Variants in SORCS1 observed in about 807,000 individuals in gnomAD.
The protein encoded by SORCS1 is sortilin related VPS10 domain containing receptor 1.
In SORCS1, 60 loss-of-function variants were observed where a neutral mutation model predicts 146.1. The observed-to-expected ratio is 0.41, with a 90% CI of 0.33 to 0.51. The LOEUF is 0.51. Among genes scored for constraint, SORCS1 ranks in the 20% least tolerant of loss-of-function variants. The pLI, the probability that SORCS1 is intolerant of heterozygous loss-of-function variation, is 0.21. For missense variants in SORCS1, 1,352 were observed against 1,487.6 expected (o/e 0.91, Z 1.50); for synonymous variants, 637 against 584.0 (o/e 1.09, Z -1.31).
intron 5 of SORCS1, among the ~76,000 whole-genome samples, chr10:106,754,774 A>T (rs1024806281): frequency 1.3e-5 from 2 of 152,208 alleles, no homozygotes; most frequent in East Asian, 3.9e-4. Flanking sequence ...CCGGAGGGAC[A>T]TCCTTGAAAC....
chr10:107,002,666 G>A (rs1957267600), intron 1 of SORCS1, among the ~76,000 whole-genome samples: 2 of 152,154 alleles, frequency 1.3e-5, no homozygotes, highest in African/African-American at 4.8e-5. Context: ...AGATAATTGT[G>A]CCTAGAAAAT....
At chr10:106,976,432 C>T (rs1251072849) in intron 1 of SORCS1, among the ~76,000 whole-genome samples, 1 of 150,900 alleles carries the variant, frequency 6.6e-6, no homozygotes, top group Admixed American at 6.6e-5. Flanking sequence ...CCCGGGTTCA[C>T]GCCATTCTCC....
chr10:106,800,672 C>T (rs1241766724), intron 3 of SORCS1, among the ~76,000 whole-genome samples: 1 of 151,928 alleles, frequency 6.6e-6, no homozygotes, highest in Non-Finnish European at 1.5e-5. Context: ...CAGGCGCACA[C>T]CGCCACACCC....
At position 106,679,685 on chromosome 10, in the gene SORCS1, G is replaced by A; in HGVS notation, c.1610C>T (p.Thr537Ile). ...GTCTTTGCTGGCAATGATCCCTGAT[G>A]TGTAGGGATTCTCAGAGACCTTCAG... The part of the protein sequence containing the change: ...LHLKVSENPY[T>I]SGIIASKDTA... Residue 537 changes from threonine to isoleucine, a missense_variant, in exon 11 of 26, where the codon ACA (threonine) becomes ATA (isoleucine). Around this residue, in one of 3 missense-constraint regions of SORCS1, gnomAD observed 648 missense variants for 793.8 expected, o/e 0.82. Coordinates refer to ENST00000263054, the MANE Select transcript of SORCS1 (RefSeq NM_052918.5). The A allele has an allele frequency of 3.1e-6, 5 of 1,612,756 alleles. No individual in the cohort carries two copies. Among genetic ancestry groups the A allele is most frequent in the Non-Finnish European group, 4.2e-6 (5 of 1,179,312 alleles).
At chr10:107,155,835 G>A (rs1415472780) in intron 1 of SORCS1, among the ~76,000 whole-genome samples, 1 of 152,118 alleles carries the variant, frequency 6.6e-6, no homozygotes, top group Non-Finnish European at 1.5e-5. Flanking sequence ...AACATGATTA[G>A]TTGGTTGTCT....
At chr10:106,726,329 C>G (rs1338017995) in intron 6 of SORCS1, among the ~76,000 whole-genome samples, 18 of 124,558 alleles carry the variant, frequency 1.4e-4, no homozygotes, top group Non-Finnish European at 2.7e-4. Context: ...AATTTTCACC[C>G]TTGGATAGTT....
chr10:106,912,605 G>T (rs1193159222), intron 2 of SORCS1, among the ~76,000 whole-genome samples: 1 of 152,160 alleles, frequency 6.6e-6, no homozygotes, highest in Non-Finnish European at 1.5e-5. Flanking sequence ...AAAACAAAAA[G>T]AAATATAAAA....
In SORCS1 at chr10:106,800,849, G is replaced by A. The variant is rs139258619; in HGVS notation, c.727-24157C>T. Among the ~76,000 whole-genome samples the A allele has an allele frequency of 2.3e-3, 354 of 152,184 alleles. 2 individuals are homozygous for A. The highest frequency in any genetic ancestry group is 8.2e-3 in the African/African-American group (341 of 41,534). ...AGCCACCGTACCCGGCCAGTTCCAGGTGAATCTTAAAAAGAAACAGAGGGT... is the reference window on the plus strand; with the variant it reads ...AGCCACCGTACCCGGCCAGTTCCAGATGAATCTTAAAAAGAAACAGAGGGT... On this transcript the variant is annotated intron_variant, in intron 3 of 25. Coordinates refer to ENST00000263054, the MANE Select transcript of SORCS1 (RefSeq NM_052918.5).
At chr10:106,629,474 C>G in intron 18 of SORCS1, 86 bp from the exon 19 acceptor site, 1 of 1,430,524 alleles carries the variant, frequency 7.0e-7, no homozygotes, top group Non-Finnish European at 9.6e-7. Flanking sequence ...TTGTCCTAGT[C>G]CCTGGCTCAG....
At chr10:106,755,189 C>A (rs1443256342) in intron 5 of SORCS1, among the ~76,000 whole-genome samples, 1 of 152,158 alleles carries the variant, frequency 6.6e-6, no homozygotes, top group Non-Finnish European at 1.5e-5. Flanking sequence ...GTGTCAAATG[C>A]GGCACCTTAG....
chr10:106,607,216 A>T lies in SORCS1; in HGVS notation c.3115T>A (p.Tyr1039Asn). 1 of 1,614,094 alleles carries T rather than the reference A, an allele frequency of 6.2e-7. No individual in the cohort carries two copies. The highest frequency in any genetic ancestry group is 8.5e-7 in the Non-Finnish European group (1 of 1,179,976). ...PTTAELFVLP[Y>N]QDPAGENKRS... ...TTGTTTTCTCCAGCTGGATCCTGAT[A>T]GGGTAGGACAAAGAGTTCAGCAGTG... The change falls in exon 23 of 26, where the codon TAT becomes AAT. Residue 1039 changes from tyrosine (Y) to asparagine (N), a missense_variant. Around this residue, in one of 3 missense-constraint regions of SORCS1, gnomAD observed 214 missense variants for 204.8 expected, o/e 1.05. Coordinates refer to ENST00000263054, the MANE Select transcript of SORCS1 (RefSeq NM_052918.5).
intron 22 of SORCS1, among the ~76,000 whole-genome samples, 179 bp downstream of exon 22, chr10:106,611,732 A>G (rs1167131363): frequency 6.6e-6 from 1 of 152,170 alleles, no homozygotes; most frequent in African/African-American, 2.4e-5. Flanking sequence ...AGGGCCTTTG[A>G]GGTCTCTGCA....
At position 107,135,355 on chromosome 10, in the gene SORCS1, G is replaced by A. The variant is rs182046338; in HGVS notation, c.558+28614C>T. ...TAGTACATGCAAAATTAAATGCACT[G>A]AAGTATAAAAATGGCTGATATCCTC... On this transcript the variant is annotated intron_variant, in intron 1 of 25. Coordinates refer to ENST00000263054, the MANE Select transcript of SORCS1 (RefSeq NM_052918.5). Among the ~76,000 whole-genome samples the A allele has an allele frequency of 2.3e-3, 352 of 152,312 alleles. 2 individuals carry two copies. Among genetic ancestry groups the A allele is most frequent in the African/African-American group, 8.2e-3 (341 of 41,562 alleles).
rs748942538 is a variant in SORCS1 at position 107,105,098 on chromosome 10, G to C, written c.558+58871C>G. On this transcript the variant is annotated intron_variant, in intron 1 of 25. Coordinates refer to ENST00000263054, the MANE Select transcript of SORCS1 (RefSeq NM_052918.5). ...TGATACCGATCATAATACTCAAACA[G>C]TTAACATGTATTCAGCAAGTAGTGA... 1.3e-5 allele frequency among the ~76,000 whole-genome samples: 2 copies of C among 152,298 alleles called. 1 individual carries two copies. Among genetic ancestry groups the C allele is most frequent in the South Asian group, 4.1e-4 (2 of 4,830 alleles).
chr10:106,984,158 A>C (rs903131700), intron 1 of SORCS1, among the ~76,000 whole-genome samples: 2 of 152,186 alleles, frequency 1.3e-5, no homozygotes, highest in African/African-American at 2.4e-5. Flanking sequence ...AACCATAAAG[A>C]CAAGGACGTC....
chr10:107,024,857 A>T (rs978125100), intron 1 of SORCS1, among the ~76,000 whole-genome samples: 1 of 152,206 alleles, frequency 6.6e-6, no homozygotes, highest in African/African-American at 2.4e-5. Flanking sequence ...CATTTACTGC[A>T]CCTAAAATAT....
intron 18 of SORCS1, among the ~76,000 whole-genome samples, 181 bp downstream of exon 18, chr10:106,652,201 G>C (rs1052990359): frequency 6.6e-6 from 1 of 152,120 alleles, no homozygotes; most frequent in African/African-American, 2.4e-5. Context: ...AGTAATTAAA[G>C]AAATAGATCA....
At position 106,667,796 on chromosome 10, in the gene SORCS1, A is replaced by G. The variant is rs1299421196; in HGVS notation, c.2196T>C (p.Tyr732=). The stretch of plus-strand genomic sequence containing the variant: ...GGCCATTGCTGTGTCGCTCATAACC[A>G]TAGTCGCTGTTAGGAAAGAGCCGAG... ...VCTEADFDCD[Y]GYERHSNGQC... Residue 732 remains tyrosine, a synonymous_variant, in exon 17 of 26, where the codon TAT becomes TAC. Transcript: ENST00000263054. 1.4e-5 allele frequency: 22 copies of G among 1,613,678 alleles called. No homozygotes were observed. Among genetic ancestry groups the G allele is most frequent in the Non-Finnish European group, 1.8e-5 (21 of 1,179,796 alleles).
At chr10:106,989,832 G>A (rs536295670) in intron 1 of SORCS1, among the ~76,000 whole-genome samples, 38 of 151,352 alleles carry the variant, frequency 2.5e-4, no homozygotes, top group Non-Finnish European at 3.8e-4. Flanking sequence ...GACTACAGGC[G>A]CCCGCCACCA....
Sources: allele counts gnomAD v4.1 joint callset (sites outside exome capture counted in the v4.1 genomes callset), GRCh38; gene constraint gnomAD v4.1.1; regional missense constraint gnomAD v4.1.1; transcripts MANE v1.5; gene names NCBI Gene and HGNC (gene_info 2026-07-23, HGNC 2026-07-21).